Variants in FGD5 observed in about 807,000 individuals in gnomAD.
FGD5 encodes the protein FYVE, RhoGEF and PH domain-containing protein 5.
Under a neutral mutation model 133.4 loss-of-function variants are expected in FGD5, and 28 were observed. The ratio of observed to expected loss-of-function variants is 0.21; its 90% CI spans 0.16 to 0.29. FGD5 has a LOEUF of 0.29. FGD5 is among the 10% of genes least tolerant of loss of function. The pLI, the probability that FGD5 is intolerant of heterozygous loss-of-function variation, is 1.00. For missense variants in FGD5, 1,858 were observed against 1,895.2 expected, an observed-to-expected ratio of 0.98 and a Z score of 0.36; for synonymous variants, 810 against 776.5, an observed-to-expected ratio of 1.04 and a Z score of -0.72.
At chr3:14,854,428 T>TGTTTATTG (rs1553625429) in intron 1 of FGD5, among the ~76,000 whole-genome samples, 1 of 64,654 alleles carries the variant, frequency 1.5e-5, no homozygotes, top group Non-Finnish European at 3.8e-5. Context: ...TTTATTTATT[T>TGTTTATTG]ATTTATTGAG....
intron 8 of FGD5, 91 bp downstream of exon 8, chr3:14,900,544 G>A (rs2038218895): frequency 6.9e-7 from 1 of 1,452,322 alleles, no homozygotes; most frequent in Non-Finnish European, 9.5e-7. Flanking sequence ...CCAAGGCCCA[G>A]GATATAGTCC....
At chr3:14,908,756 T>C (rs891011341) in intron 10 of FGD5, among the ~76,000 whole-genome samples, 14 of 151,174 alleles carry the variant, frequency 9.3e-5, no homozygotes, top group Admixed American at 7.3e-4. Flanking sequence ...TGTGGTGGCC[T>C]GTAGTCCCAG....
intron 1 of FGD5, among the ~76,000 whole-genome samples, chr3:14,863,056 C>T (rs1483060789): frequency 1.3e-5 from 2 of 152,228 alleles, no homozygotes; most frequent in Non-Finnish European, 2.9e-5. Context: ...TTCCCCCTGC[C>T]TGGGCCAGGG....
chr3:14,926,421 T>G (rs1687299), intron 18 of FGD5, among the ~76,000 whole-genome samples: 108,917 of 152,150 alleles, frequency 0.72, 39,388 homozygotes, highest in African/African-American at 0.81. Flanking sequence ...TCTTTGTGGA[T>G]ATAAGAAGGT....
intron 4 of FGD5, among the ~76,000 whole-genome samples, chr3:14,883,560 C>T (rs775863217): frequency 6.6e-6 from 1 of 152,222 alleles, no homozygotes; most frequent in African/African-American, 2.4e-5. Context: ...CTCATCTACC[C>T]ATCCAAACAG....
chr3:14,932,437 A>G (rs1027237419), intron 18 of FGD5, 140 bp from the exon 19 acceptor site: 3 of 922,076 alleles, frequency 3.3e-6, no homozygotes, highest in African/African-American at 1.7e-5. Context: ...GAGGGTCAAC[A>G]GTTTGTGTGT....
Position 14,917,165 on chromosome 3 carries a change from C to A in FGD5, c.3406-84C>A. ...AGGAATACAAGATGCCTGTGCACAG[C>A]GGAGCTCAGGGATCCTTTGAGGACA... On this transcript the variant is annotated intron_variant, in intron 11 of 19. Coordinates refer to ENST00000285046, the MANE Select transcript of FGD5 (RefSeq NM_152536.4). This position sits in a 1 kb window ranked among gnomAD's most constrained non-coding sequence, Gnocchi z 4.1. 7.9e-7 allele frequency: 1 copy of A among 1,259,336 alleles called. No homozygotes were observed. The highest frequency in any genetic ancestry group is 1.1e-6 in the Non-Finnish European group (1 of 892,254). The allele number at this position is 1,259,336 out of a possible 1,614,324, so 78.0% of individuals were successfully genotyped here. A position where few individuals can be genotyped will look rare whatever the true frequency, so the allele number is the denominator to read the frequency against.
chr3:14,845,609 A>T (rs894911775), intron 1 of FGD5, among the ~76,000 whole-genome samples: 1 of 152,216 alleles, frequency 6.6e-6, no homozygotes, highest in East Asian at 1.9e-4. Flanking sequence ...TGAGGCTGGG[A>T]TGTGGGAGAG....
upstream of FGD5, among the ~76,000 whole-genome samples, chr3:14,816,759 C>G (rs1363353286): frequency 6.6e-6 from 1 of 152,196 alleles, no homozygotes; most frequent in Non-Finnish European, 1.5e-5. Flanking sequence ...GTTTGATAGT[C>G]ACTATTTCTA....
intron 1 of FGD5, among the ~76,000 whole-genome samples, chr3:14,836,131 G>A (rs1168823574): frequency 6.6e-6 from 1 of 152,252 alleles, no homozygotes; most frequent in Non-Finnish European, 1.5e-5. Flanking sequence ...GAGCCGTGGT[G>A]AGAGCACGGA....
chr3:14,836,985 G>A (rs956590722), intron 1 of FGD5, among the ~76,000 whole-genome samples: 1 of 152,170 alleles, frequency 6.6e-6, no homozygotes, highest in Non-Finnish European at 1.5e-5. Flanking sequence ...ATGCACAGAA[G>A]CACCCGGGTA....
intron 1 of FGD5, among the ~76,000 whole-genome samples, chr3:14,850,137 G>C (rs913734390): frequency 6.6e-6 from 1 of 152,164 alleles, no homozygotes; most frequent in African/African-American, 2.4e-5. Flanking sequence ...CCTGTGGTCT[G>C]GCTTCCTCTG....
In FGD5 at chr3:14,899,185, C is replaced by T. The variant is rs114104025; in HGVS notation, c.3154+359C>T. Among the ~76,000 whole-genome samples, 611 of 152,264 alleles carry T rather than the reference C, an allele frequency of 4.0e-3. 6 individuals are homozygous for T. Among genetic ancestry groups the T allele is most frequent in the African/African-American group, 0.014 (577 of 41,546 alleles). ...ATGAGTGGACATTTTCAGCCTTGGA[C>T]CTGCTGGACCCACGACCACTTCCTG... On this transcript the variant is annotated intron_variant, in intron 7 of 19. Coordinates refer to ENST00000285046, the MANE Select transcript of FGD5 (RefSeq NM_152536.4).
chr3:14,926,888 G>C (rs1441840568), intron 18 of FGD5, among the ~76,000 whole-genome samples: 1 of 152,150 alleles, frequency 6.6e-6, no homozygotes, highest in African/African-American at 2.4e-5. Flanking sequence ...GTATTCTGAC[G>C]AGCTGCAGAG....
chr3:14,836,991 G>A (rs111740968), intron 1 of FGD5, among the ~76,000 whole-genome samples: 18 of 152,298 alleles, frequency 1.2e-4, no homozygotes, highest in African/African-American at 3.9e-4. Context: ...AGAAGCACCC[G>A]GGTATAAGGG....
intron 1 of FGD5, among the ~76,000 whole-genome samples, chr3:14,850,159 G>GGAGGTTGCAGGAGAAA: frequency 6.6e-6 from 1 of 152,188 alleles, no homozygotes; most frequent in Non-Finnish European, 1.5e-5. Context: ...CTCCCAGAGC[G>GGAGGTTGCAGGAGAAA]GAGGTTGCAG....
At chr3:14,869,097 A>G (rs2037555443) in intron 2 of FGD5, among the ~76,000 whole-genome samples, 1 of 152,204 alleles carries the variant, frequency 6.6e-6, no homozygotes, top group Non-Finnish European at 1.5e-5. Flanking sequence ...GATCAAGACC[A>G]TCCTAGCTCA....
chr3:14,845,026 A>C (rs1251400860), intron 1 of FGD5, among the ~76,000 whole-genome samples: 1 of 152,074 alleles, frequency 6.6e-6, no homozygotes, highest in East Asian at 1.9e-4. Context: ...CTCAGCTTCT[A>C]ACTTCTGTGC....
At position 14,898,741 on chromosome 3, in the gene FGD5, G is replaced by T; in HGVS notation, c.3069G>T (p.Gln1023His). 6.3e-7 allele frequency: 1 copy of T among 1,580,598 alleles called. No homozygotes were observed. Among genetic ancestry groups the T allele is most frequent in the East Asian group, 2.3e-5 (1 of 42,898 alleles). The change falls in exon 7 of 20, where the codon CAG becomes CAT. Residue 1023 changes from glutamine to histidine, a missense_variant and splice_region_variant. Gln to His is a conservative substitution (Grantham distance 24). Around this residue, in one of 3 missense-constraint regions of FGD5, gnomAD observed 1,824 missense variants for 1,848.9 expected, o/e 0.99. Transcript: ENST00000285046. ...RLAAAVREFE[Q>H]SVQGGSQTAK... The stretch of plus-strand genomic sequence containing the variant: ...TTCCTTCCCTGTCTTGAGAGCAGCA[G>T]AGTGTACAAGGAGGCAGCCAGACTG...
Sources: gnomAD v4.1 joint callset for allele counts (sites outside exome capture counted in the v4.1 genomes callset) on GRCh38, gnomAD v4.1.1 for gene constraint, gnomAD v4.1.1 regional missense constraint, Gnocchi (gnomAD v3.1) non-coding constraint, MANE v1.5 for transcripts, NCBI Gene and HGNC (gene_info 2026-07-23, HGNC 2026-07-21) for gene names.